The following HMCN1 variants were observed in gnomAD, a reference collection of about 807,000 sequenced individuals.
HMCN1 encodes the protein hemicentin 1, also known as hemicentin-1.
Under a neutral mutation model 625.9 loss-of-function variants are expected in HMCN1, and 321 were observed. That is an observed-to-expected ratio of 0.51 (90% CI 0.47 to 0.56). The LOEUF (loss-of-function observed/expected upper bound fraction) is 0.56. Among genes scored for constraint, HMCN1 ranks in the 20% least tolerant of loss-of-function variants. The pLI, the probability that HMCN1 is intolerant of heterozygous loss-of-function variation, is 0.00. For synonymous variants in HMCN1, 2,425 were observed against 2,417.6 expected, an observed-to-expected ratio of 1.00 and a Z score of -0.09; for missense variants, 6,588 against 6,887.3, an observed-to-expected ratio of 0.96 and a Z score of 1.54.
At chr1:185,844,710 C>CT (rs1472919547) in intron 1 of HMCN1, among the ~76,000 whole-genome samples, 1 of 152,098 alleles carries the variant, frequency 6.6e-6, no homozygotes, top group Admixed American at 6.6e-5. Context: ...GATGATATAT[C>CT]TAAGCACATG....
chr1:186,190,297 CTAAG>C lies in HMCN1; in HGVS notation c.*422_*425del, dbSNP rs958290029. 3 of 222,012 alleles carry C rather than the reference CTAAG, an allele frequency of 1.4e-5. No homozygotes were observed. The highest frequency in any genetic ancestry group is 5.3e-5 in the Admixed American group (1 of 19,006). 13.8% of individuals were successfully genotyped at this position (222,012 alleles called of 1,614,324 possible). A position where few individuals can be genotyped will look rare whatever the true frequency, so the allele number is the denominator to read the frequency against. Reference sequence around the variant, plus strand: ...ATTTTTAGAATCATAAAATTAGTTACTAAGTATTTTGATCAAAGCTTATAAAATA... The same window carrying C: ...ATTTTTAGAATCATAAAATTAGTTACTATTTTGATCAAAGCTTATAAAATA... On this transcript the variant is annotated 3_prime_UTR_variant, in exon 107 of 107. Transcript: ENST00000271588.
In HMCN1 at chr1:186,045,697, ATAT is replaced by A. The variant is rs762429808; in HGVS notation, c.6318_6320del (p.Ile2106del). The stretch of plus-strand genomic sequence containing the variant: ...CCCATCTTTCATGTAGTTCCGCCAA[ATAT>A]TATGGGAGAAGAACAGAATGTCTCT... On this transcript the variant is annotated inframe_deletion, in exon 41 of 107. Coordinates refer to ENST00000271588, the MANE Select transcript of HMCN1 (RefSeq NM_031935.3). The A allele has an allele frequency of 4.3e-6, 7 of 1,613,130 alleles. No homozygotes were observed. The African/African-American group carries it at 6.7e-5, about 15-fold the overall frequency.
intron 1 of HMCN1, among the ~76,000 whole-genome samples, chr1:185,795,753 G>A (rs572184130): frequency 4.4e-4 from 67 of 152,260 alleles, no homozygotes; most frequent in African/African-American, 1.4e-3. Context: ...TTGCAACACC[G>A]ATTTCTTCCT....
chr1:186,159,217 A>G (rs1158565540), intron 97 of HMCN1, among the ~76,000 whole-genome samples: 1 of 152,112 alleles, frequency 6.6e-6, no homozygotes, highest in African/African-American at 2.4e-5. Context: ...TTCACTCATG[A>G]TTTGGCTCTC....
chr1:186,092,547 C>G lies in HMCN1; in HGVS notation c.9888-587C>G, dbSNP rs148210014. Among the ~76,000 whole-genome samples, 1,394 of 152,002 alleles carry G rather than the reference C, an allele frequency of 9.2e-3. 69 individuals are homozygous for G. Among genetic ancestry groups the G allele is most frequent in the Admixed American group, 0.081 (1,234 of 15,238 alleles). ...ATTTGTAATTAATGGTGTGTGAGGA[C>G]AACCAATAATGCAATAATCTTAGCT... On this transcript the variant is annotated intron_variant, in intron 64 of 106. Transcript: ENST00000271588.
At chr1:186,072,167 A>G (rs982620688) in intron 52 of HMCN1, among the ~76,000 whole-genome samples, 1 of 152,100 alleles carries the variant, frequency 6.6e-6, no homozygotes, top group Non-Finnish European at 1.5e-5. Context: ...TTCCATATTC[A>G]TTCTCCTGTT....
At chr1:186,001,196 A>G in intron 26 of HMCN1, 102 bp from the exon 27 acceptor site, 1 of 1,028,870 alleles carries the variant, frequency 9.7e-7, no homozygotes, top group South Asian at 1.4e-5. Context: ...TTTTCTAGCC[A>G]TCAAATATTT....
At chr1:186,133,754 AATG>A (rs1649370364) in intron 86 of HMCN1, among the ~76,000 whole-genome samples, 1 of 152,230 alleles carries the variant, frequency 6.6e-6, no homozygotes, top group African/African-American at 2.4e-5. Context: ...ATATCTATCA[AATG>A]ATAACATGGG....
chr1:186,141,996 T>G (rs1180222719), intron 89 of HMCN1, among the ~76,000 whole-genome samples: 1 of 152,226 alleles, frequency 6.6e-6, no homozygotes, highest in Non-Finnish European at 1.5e-5. Flanking sequence ...TGTAGTTTTT[T>G]AATATTTTAA....
intron 54 of HMCN1, among the ~76,000 whole-genome samples, chr1:186,076,997 T>G (rs762552154): frequency 1.3e-5 from 2 of 152,194 alleles, no homozygotes; most frequent in Non-Finnish European, 2.9e-5. Context: ...TAAATGCACT[T>G]ATCATAAATA....
At chr1:186,051,971 G>A (rs545347444) in intron 42 of HMCN1, among the ~76,000 whole-genome samples, 3 of 151,970 alleles carry the variant, frequency 2.0e-5, no homozygotes, top group South Asian at 4.1e-4. Context: ...GCTTCTGATG[G>A]AAAATGGGAT....
chr1:186,070,053 C>G (rs544916527), intron 51 of HMCN1, among the ~76,000 whole-genome samples: 11 of 152,240 alleles, frequency 7.2e-5, no homozygotes, highest in African/African-American at 2.4e-4. Context: ...TCTGAATTAC[C>G]CTCTGGGTTG....
intron 1 of HMCN1, among the ~76,000 whole-genome samples, chr1:185,817,200 T>C (rs548423160): frequency 1.3e-5 from 2 of 152,198 alleles, no homozygotes; most frequent in South Asian, 4.1e-4. Flanking sequence ...AAGAGACAAG[T>C]AGCATATCCC....
Position 186,166,937 on chromosome 1 carries a change from G to A in HMCN1, c.15569G>A (p.Cys5190Tyr). ...CGAAGAACCTCTGATGGGCTGAGTTGTCAAGGTATAAAAATGGAGGCCTTT... is the reference window on the plus strand; with the variant it reads ...CGAAGAACCTCTGATGGGCTGAGTTATCAAGGTATAAAAATGGAGGCCTTT... ...GFRRTSDGLS[C>Y]QDINECQESS... is the part of the protein sequence containing the mutation. Residue 5190 changes from cysteine (C) to tyrosine (Y), a missense_variant, in exon 100 of 107, where the codon TGT (cysteine) becomes TAT (tyrosine). By Grantham distance (194) the Cys-to-Tyr change is radical. This residue lies in a region of HMCN1 where 1,954 missense variants were observed against 2,013.1 expected (regional missense o/e 0.97). Coordinates refer to ENST00000271588, the MANE Select transcript of HMCN1 (RefSeq NM_031935.3). 3.1e-6 allele frequency: 5 copies of A among 1,614,112 alleles called. No individual in the cohort carries two copies. Among genetic ancestry groups the A allele is most frequent in the Non-Finnish European group, 4.2e-6 (5 of 1,179,962 alleles).
chr1:186,088,770 C>T lies in HMCN1; in HGVS notation c.9727+15C>T. 4 of 1,598,790 alleles carry T rather than the reference C, an allele frequency of 2.5e-6. No individual in the cohort carries two copies. Among genetic ancestry groups the T allele is most frequent in the Non-Finnish European group, 3.4e-6 (4 of 1,169,484 alleles). ...TTCAATTCAAGGTATGTATTGTCCACTATGATCTATCTTCAATTTCTTTGT... is the reference window on the plus strand; with the variant it reads ...TTCAATTCAAGGTATGTATTGTCCATTATGATCTATCTTCAATTTCTTTGT... On this transcript the variant is annotated intron_variant, in intron 63 of 106. Coordinates refer to ENST00000271588, the MANE Select transcript of HMCN1 (RefSeq NM_031935.3).
chr1:185,918,640 C>G (rs1666849688), intron 6 of HMCN1, among the ~76,000 whole-genome samples: 1 of 152,180 alleles, frequency 6.6e-6, no homozygotes. Context: ...GTGACCTTAC[C>G]TCACATCTGC....
intron 41 of HMCN1, 66 bp downstream of exon 41, chr1:186,045,929 A>G (rs1386380281): frequency 7.9e-6 from 9 of 1,142,446 alleles, no homozygotes; most frequent in Non-Finnish European, 1.2e-5. Flanking sequence ...GTATTACCCT[A>G]TTTAGCGTGA....
rs185494834 is a variant in HMCN1 at position 186,187,832 on chromosome 1, C to T, written c.16415-51C>T. On this transcript the variant is annotated intron_variant, in intron 105 of 106. Transcript: ENST00000271588. ...ACATCTACAGTGCCTGCTCTGATGG[C>T]CTTCTCTCACCCTCACTGCTGATGC... 34 of 1,611,832 alleles carry T rather than the reference C, an allele frequency of 2.1e-5. No homozygotes were observed. The African/African-American group carries it at 2.5e-4, about 12-fold the overall frequency.
In HMCN1 at chr1:185,977,829, A is replaced by C; in HGVS notation, c.2414A>C (p.Glu805Ala). Residue 805 changes from glutamate (E) to alanine (A), a missense_variant, in exon 16 of 107, where the codon GAA (glutamate) becomes GCA (alanine). Physicochemically the swap from Glu to Ala is moderately radical, Grantham distance 107 (BLOSUM62 -1). Transcript: ENST00000271588. Reference protein sequence around the residue: ...FIQEPADVSMEIGSNVTLPCY... With the variant: ...FIQEPADVSMAIGSNVTLPCY... Reference sequence around the variant, plus strand: ...CAAGAACCTGCTGATGTGTCTATGGAAATTGGCTCAAATGTGACATTACCT... The same window carrying C: ...CAAGAACCTGCTGATGTGTCTATGGCAATTGGCTCAAATGTGACATTACCT... 1.2e-6 allele frequency: 2 copies of C among 1,613,264 alleles called. No homozygotes were observed. The highest frequency in any genetic ancestry group is 1.1e-5 in the South Asian group (1 of 91,060).
Sources: gnomAD v4.1 joint callset for allele counts (sites outside exome capture counted in the v4.1 genomes callset) on GRCh38, gnomAD v4.1.1 for gene constraint, gnomAD v4.1.1 regional missense constraint, MANE v1.5 for transcripts, NCBI Gene and HGNC (gene_info 2026-07-23, HGNC 2026-07-21) for gene names.